ROBO2: variants seen among roughly 807,000 people sequenced by gnomAD.
The protein encoded by ROBO2 is roundabout homolog 2.
Under a neutral mutation model 160.8 loss-of-function variants are expected in ROBO2, and 53 were observed. The ratio of observed to expected loss-of-function variants is 0.33; its 90% confidence interval spans 0.26 to 0.41. ROBO2 has a LOEUF of 0.41. Ranked by LOEUF, ROBO2 falls within the 10% of genes least tolerant of loss-of-function variation. The pLI is 1.00. For missense variants in ROBO2, 1,577 were observed against 1,722.4 expected, an observed-to-expected ratio of 0.92 and a Z score of 1.49; for synonymous variants, 664 against 611.7, an observed-to-expected ratio of 1.09 and a Z score of -1.26.
chr3:75,970,233 T>C (rs2064955087), intron 2 of ROBO2, among the ~76,000 whole-genome samples: 2 of 151,550 alleles, frequency 1.3e-5, no homozygotes, highest in African/African-American at 4.8e-5. Flanking sequence ...AGACATTTAT[T>C]GTTCACTCAT....
intron 2 of ROBO2, among the ~76,000 whole-genome samples, chr3:76,566,191 T>C (rs1381862955): frequency 6.6e-6 from 1 of 152,208 alleles, no homozygotes; most frequent in Non-Finnish European, 1.5e-5. Flanking sequence ...TAAAGGAATG[T>C]GCCAATGAGG....
intron 2 of ROBO2, among the ~76,000 whole-genome samples, chr3:76,219,133 C>T (rs1703775570): frequency 6.6e-6 from 1 of 152,110 alleles, no homozygotes; most frequent in South Asian, 2.1e-4. Context: ...AAACTGGATC[C>T]CTTCCTTACA....
intron 2 of ROBO2, among the ~76,000 whole-genome samples, chr3:75,946,696 C>A (rs920492201): frequency 9.2e-5 from 14 of 152,066 alleles, no homozygotes; most frequent in African/African-American, 3.4e-4. Context: ...TATAAAAATT[C>A]TGTAATTTAA....
At chr3:76,323,315 C>A (rs1203501215) in intron 2 of ROBO2, among the ~76,000 whole-genome samples, 1 of 152,050 alleles carries the variant, frequency 6.6e-6, no homozygotes, top group Non-Finnish European at 1.5e-5. Flanking sequence ...ACTCAAATAG[C>A]CAAATCTGGA....
chr3:77,040,328 G>T, exon 1 of ROBO2: 2 of 995,554 alleles, frequency 2.0e-6, no homozygotes, highest in Non-Finnish European at 2.4e-6. Context: ...GAAACCGGGG[G>T]AAAGAAAACC....
At chr3:77,090,447 G>A (rs919001040) in intron 1 of ROBO2, among the ~76,000 whole-genome samples, 1 of 141,730 alleles carries the variant, frequency 7.1e-6, no homozygotes. Flanking sequence ...TCCGTCTCCC[G>A]GGTTCACGCC....
chr3:76,278,400 A>G lies in ROBO2; in HGVS notation c.109+340798A>G, dbSNP rs987016641. Among the ~76,000 whole-genome samples the G allele has an allele frequency of 8.5e-5, 13 of 152,152 alleles. 1 individual carries two copies. The highest frequency in any genetic ancestry group is 7.9e-4 in the Admixed American group (12 of 15,240). Reference sequence around the variant, plus strand: ...TACATTTCGGTCTAGATTGTTGAATAGGATATTGTTCATGGTAGCACTTAT... The same window carrying G: ...TACATTTCGGTCTAGATTGTTGAATGGGATATTGTTCATGGTAGCACTTAT... On this transcript the variant is annotated intron_variant, in intron 2 of 26. Coordinates refer to the ROBO2 transcript ENST00000487694.
At chr3:76,433,979 G>A in intron 2 of ROBO2, 1 of 800,352 alleles carries the variant, frequency 1.2e-6, no homozygotes, top group Non-Finnish European at 2.2e-6. Flanking sequence ...AAAATTAAGG[G>A]CAGTCCAGAG....
intron 2 of ROBO2, among the ~76,000 whole-genome samples, chr3:76,599,622 C>T (rs1043908813): frequency 6.6e-6 from 1 of 152,102 alleles, no homozygotes; most frequent in African/African-American, 2.4e-5. Context: ...GAGGAATCAC[C>T]ACACTGTCTT....
chr3:76,177,354 A>G (rs2073268078), intron 2 of ROBO2, among the ~76,000 whole-genome samples: 1 of 152,202 alleles, frequency 6.6e-6, no homozygotes, highest in Admixed American at 6.5e-5. Context: ...ATTTTCAAAA[A>G]CAATTGGACC....
chr3:77,326,388 T>A lies in ROBO2; in HGVS notation c.389-151026T>A, dbSNP rs185593664. Among the ~76,000 whole-genome samples the A allele has an allele frequency of 3.5e-4, 54 of 152,346 alleles. No individual in the cohort carries two copies. The East Asian group carries it at 5.8e-3, about 16-fold the overall frequency. Reference sequence around the variant, plus strand: ...AATTGTATCTCAGTTTACCACTCTGTTGATCAAATCACTTATTTTTAAACA... The same window carrying A: ...AATTGTATCTCAGTTTACCACTCTGATGATCAAATCACTTATTTTTAAACA... On this transcript the variant is annotated intron_variant, in intron 2 of 25. Transcript: ENST00000461745.
intron 2 of ROBO2, among the ~76,000 whole-genome samples, chr3:75,993,956 A>G (rs1419860561): frequency 2.0e-5 from 3 of 152,144 alleles, no homozygotes; most frequent in Non-Finnish European, 2.9e-5. Flanking sequence ...TATTTACTTT[A>G]TTTACAGGTT....
intron 2 of ROBO2, among the ~76,000 whole-genome samples, chr3:76,662,773 T>G (rs1426213197): frequency 6.6e-6 from 1 of 150,836 alleles, no homozygotes; most frequent in African/African-American, 2.4e-5. Flanking sequence ...AGTTGAGGAG[T>G]CAGGAAGGAA....
chr3:77,026,430 C>A (rs554204157), intron 2 of ROBO2, among the ~76,000 whole-genome samples: 1 of 152,178 alleles, frequency 6.6e-6, no homozygotes, highest in African/African-American at 2.4e-5. Context: ...ACAGCAGTTT[C>A]ACATAAATAC....
intron 2 of ROBO2, among the ~76,000 whole-genome samples, chr3:76,148,219 C>A (rs943363396): frequency 6.6e-6 from 1 of 151,952 alleles, no homozygotes. Flanking sequence ...ATATACTACC[C>A]CCTTAAAACT....
At chr3:76,043,920 T>TACC (rs1307696473) in intron 2 of ROBO2, among the ~76,000 whole-genome samples, 1 of 152,032 alleles carries the variant, frequency 6.6e-6, no homozygotes, top group Non-Finnish European at 1.5e-5. Flanking sequence ...TTGTCTTTTC[T>TACC]ACCTCCTTCC....
chr3:76,775,656 A>C (rs1393097002), intron 2 of ROBO2, among the ~76,000 whole-genome samples: 1 of 150,706 alleles, frequency 6.6e-6, no homozygotes, highest in Non-Finnish European at 1.5e-5. Context: ...AATTCTGTCC[A>C]TAGCATTAAC....
chr3:76,816,571 A>T (rs952674874), intron 2 of ROBO2, among the ~76,000 whole-genome samples: 1 of 152,000 alleles, frequency 6.6e-6, no homozygotes, highest in Non-Finnish European at 1.5e-5. Flanking sequence ...GTCATGCTCA[A>T]GTATGTGTGG....
rs1414385587 is a variant in ROBO2 at position 77,322,871 on chromosome 3, T to TG, written c.389-154543_389-154542insG. On this transcript the variant is annotated intron_variant, in intron 2 of 25. Coordinates refer to ENST00000461745, the Ensembl canonical transcript of ROBO2. ...TATTATACATATGTATTATAATATATTATGTAATATATTATATTATACATA... is the reference window on the plus strand; with the variant it reads ...TATTATACATATGTATTATAATATATGTATGTAATATATTATATTATACATA... 9.1e-4 allele frequency among the ~76,000 whole-genome samples: 65 copies of TG among 71,468 alleles called. 6 individuals are homozygous for TG. Among genetic ancestry groups the TG allele is most frequent in the African/African-American group, 5.4e-3 (63 of 11,584 alleles). 46.9% of individuals were successfully genotyped at this position (71,468 alleles called of 152,430 possible).
Sources: gnomAD v4.1 joint callset for allele counts (sites outside exome capture counted in the v4.1 genomes callset) on GRCh38, gnomAD v4.1.1 for gene constraint, MANE v1.5 for transcripts, NCBI Gene and HGNC (gene_info 2026-07-23, HGNC 2026-07-21) for gene names.